Variants in PPP4R1 observed in about 807,000 individuals in gnomAD.
PPP4R1 encodes the protein serine/threonine-protein phosphatase 4 regulatory subunit 1.
In PPP4R1, 42 loss-of-function variants were observed where a neutral mutation model predicts 111.2. That is an observed-to-expected ratio of 0.38 (90% confidence interval 0.29 to 0.49). The LOEUF is 0.49. PPP4R1 is among the 20% of genes least tolerant of loss of function. The pLI, the probability that PPP4R1 is intolerant of heterozygous loss-of-function variation, is 0.97. For synonymous variants in PPP4R1, 409 were observed against 405.5 expected, an observed-to-expected ratio of 1.01 and a Z score of -0.10; for missense variants, 1,012 against 1,161.6, an observed-to-expected ratio of 0.87 and a Z score of 1.87.
At chr18:9,609,054 C>CTG (rs2067533164) in intron 2 of PPP4R1, among the ~76,000 whole-genome samples, 1 of 149,428 alleles carries the variant, frequency 6.7e-6, no homozygotes, top group African/African-American at 2.5e-5. Flanking sequence ...TTCTCTCTGT[C>CTG]TCTCTCTCTC....
intron 16 of PPP4R1, among the ~76,000 whole-genome samples, chr18:9,552,394 G>T (rs1371355345): frequency 6.6e-6 from 1 of 152,118 alleles, no homozygotes; most frequent in Non-Finnish European, 1.5e-5. Flanking sequence ...GCGAGTGATG[G>T]ATATGCTAAC....
Position 9,588,748 on chromosome 18 carries a change from G to C in PPP4R1, c.401C>G (p.Pro134Arg). Residue 134 changes from proline (P) to arginine (R), a missense_variant, in exon 5 of 20, where the codon CCT becomes CGT. Physicochemically the swap from Pro to Arg is moderately radical, Grantham distance 103. Transcript: ENST00000400556. ...ATCTGCAAGGTATCTAACCACAATA[G>C]GTAGTAAGAATTTTGAAAAAGCATA... is the stretch of plus-strand genomic sequence containing the variant. Reference protein sequence around the residue: ...IPYAFSKFLLPIVVRYLADQN... With the variant: ...IPYAFSKFLLRIVVRYLADQN... 1.9e-6 allele frequency: 3 copies of C among 1,613,086 alleles called. No individual in the cohort carries two copies. Among genetic ancestry groups the C allele is most frequent in the Non-Finnish European group, 2.5e-6 (3 of 1,179,136 alleles).
chr18:9,592,045 G>T (rs2067220162), intron 4 of PPP4R1, among the ~76,000 whole-genome samples: 1 of 152,182 alleles, frequency 6.6e-6, no homozygotes, highest in African/African-American at 2.4e-5. Flanking sequence ...GCTCTAGCTT[G>T]GGCAACAGAG....
In PPP4R1 at chr18:9,580,536, G is replaced by A. The variant is rs181852826; in HGVS notation, c.918+2581C>T. Among the ~76,000 whole-genome samples the A allele has an allele frequency of 5.4e-3, 819 of 152,248 alleles. 4 individuals are homozygous for A. Among genetic ancestry groups the A allele is most frequent in the Non-Finnish European group, 8.7e-3 (594 of 68,000 alleles). On this transcript the variant is annotated intron_variant, in intron 9 of 19. Transcript: ENST00000400556. ...GGCTAATTTTTTGTATTTGTTAGTA[G>A]AGACGGGGTTTCACCGTGTTAGCCA...
intron 19 of PPP4R1, among the ~76,000 whole-genome samples, chr18:9,548,331 G>A (rs1290607072): frequency 6.6e-6 from 1 of 150,870 alleles, no homozygotes; most frequent in African/African-American, 2.4e-5. Flanking sequence ...CTTATTCTTT[G>A]ACATCTACTA....
intron 2 of PPP4R1, among the ~76,000 whole-genome samples, chr18:9,606,184 G>C (rs919602276): frequency 6.6e-6 from 1 of 152,198 alleles, no homozygotes; most frequent in Non-Finnish European, 1.5e-5. Context: ...GCACTGATGA[G>C]ATGTATTGCT....
At chr18:9,607,302 A>G (rs931254141) in intron 2 of PPP4R1, among the ~76,000 whole-genome samples, 1 of 151,848 alleles carries the variant, frequency 6.6e-6, no homozygotes, top group African/African-American at 2.4e-5. Flanking sequence ...CAGACGTTGC[A>G]GTGAGCCAAG....
At position 9,566,146 on chromosome 18, in the gene PPP4R1, G is replaced by C. The variant is rs151315509; in HGVS notation, c.1574-2596C>G. ...GGCTGGTCTCAAACTCCTGACCTCAGATGATCCACCCACCTCGGCCTCCCA... is the reference window on the plus strand; with the variant it reads ...GGCTGGTCTCAAACTCCTGACCTCACATGATCCACCCACCTCGGCCTCCCA... On this transcript the variant is annotated intron_variant, in intron 11 of 19. Transcript: ENST00000400556. Among the ~76,000 whole-genome samples the C allele has an allele frequency of 1.8e-3, 271 of 151,860 alleles. 2 individuals are homozygous for C. The Middle Eastern group carries it at 0.031, about 17-fold the overall frequency.
chr18:9,587,953 G>A, intron 6 of PPP4R1, 136 bp downstream of exon 6: 1 of 1,098,110 alleles, frequency 9.1e-7, no homozygotes, highest in Non-Finnish European at 1.3e-6. Context: ...CTGACCTCAA[G>A]TGATCCACCC....
Position 9,614,169 on chromosome 18 carries a change from G to C in PPP4R1, c.52+57C>G. On this transcript the variant is annotated intron_variant, in intron 2 of 19. Coordinates refer to ENST00000400556, the MANE Select transcript of PPP4R1 (RefSeq NM_001042388.3). The surrounding 1 kb of genome is among the most constrained non-coding windows in gnomAD (Gnocchi z 4.1). ...CCCGGCCCAGGCCTCGCCGCCGCCC[G>C]CCCTCCCCGGCCGCTCCCCGCGGAC... 1 of 1,283,518 alleles carries C rather than the reference G, an allele frequency of 7.8e-7. No individual in the cohort carries two copies. The highest frequency in any genetic ancestry group is 1.0e-6 in the Non-Finnish European group (1 of 1,000,570). 79.5% of individuals were successfully genotyped at this position (1,283,518 alleles called of 1,614,324 possible).
rs183793198 is a variant in PPP4R1, at chr18:9,548,873, G to A, written c.2689+324C>T. 1.4e-4 allele frequency among the ~76,000 whole-genome samples: 21 copies of A among 152,314 alleles called. No individual in the cohort carries two copies. The East Asian group carries it at 2.5e-3, about 18-fold the overall frequency. On this transcript the variant is annotated intron_variant, in intron 19 of 19. Transcript: ENST00000400556. The stretch of plus-strand genomic sequence containing the variant: ...GCAGAGGTTACAGTGAGCTGAGATC[G>A]CACCATTGCACTCCAGCCTGGGTGA...
chr18:9,563,258 T>C, intron 12 of PPP4R1, 120 bp downstream of exon 12: 1 of 1,312,850 alleles, frequency 7.6e-7, no homozygotes, highest in South Asian at 1.5e-5. Flanking sequence ...AACGAAGAGC[T>C]AAAAAATCAG....
In PPP4R1 at chr18:9,590,268, A is replaced by G. The variant is rs372513871; in HGVS notation, c.296-1415T>C. 16 of 152,384 alleles carry G rather than the reference A, an allele frequency of 1.0e-4. No homozygotes were observed. The East Asian group carries it at 2.1e-3, about 20-fold the overall frequency. 9.4% of individuals were successfully genotyped at this position (152,384 alleles called of 1,614,324 possible). Reference sequence around the variant, plus strand: ...CATACCTTTAAGTAGATAATACTGTATTTTACAAAGCTCAGAATCTTATCA... The same window carrying G: ...CATACCTTTAAGTAGATAATACTGTGTTTTACAAAGCTCAGAATCTTATCA... On this transcript the variant is annotated intron_variant, in intron 4 of 19. Transcript: ENST00000400556.
chr18:9,607,783 C>CTTTT (rs59033925), intron 2 of PPP4R1, among the ~76,000 whole-genome samples: 48 of 125,292 alleles, frequency 3.8e-4, no homozygotes, highest in Non-Finnish European at 5.1e-4. Context: ...TTCTTTCTTT[C>CTTTT]TTTTTTTTTT....
At chr18:9,582,677 G>A (rs1031175909) in intron 9 of PPP4R1, among the ~76,000 whole-genome samples, 3 of 152,150 alleles carry the variant, frequency 2.0e-5, no homozygotes, top group African/African-American at 7.2e-5. Flanking sequence ...CTCATTTTAT[G>A]AGGCCATTAT....
At chr18:9,605,092 A>C (rs1364295084) in intron 2 of PPP4R1, among the ~76,000 whole-genome samples, 1 of 152,186 alleles carries the variant, frequency 6.6e-6, no homozygotes, top group African/African-American at 2.4e-5. Context: ...CTCATAGTCT[A>C]TCCTTCCCTT....
In PPP4R1 at chr18:9,614,068, CGA is replaced by C. The variant is rs1395198061; in HGVS notation, c.52+156_52+157del. The C allele has an allele frequency of 1.3e-5, 7 of 529,182 alleles. No individual in the cohort carries two copies. The East Asian group carries it at 2.9e-4, about 22-fold the overall frequency. The allele number at this position is 529,182 out of a possible 1,614,324, so 32.8% of individuals were successfully genotyped here. On this transcript the variant is annotated intron_variant, in intron 2 of 19. Coordinates refer to ENST00000400556, the MANE Select transcript of PPP4R1 (RefSeq NM_001042388.3). This position sits in a 1 kb window ranked among gnomAD's most constrained non-coding sequence, Gnocchi z 4.1. Reference sequence around the variant, plus strand: ...TGGGCGCGCCGTTTCCTCACGGACGCGAGATTTTCCCCCCCGATCGCCACCCC... The same window carrying C: ...TGGGCGCGCCGTTTCCTCACGGACGCGATTTTCCCCCCCGATCGCCACCCC...
chr18:9,571,946 G>T (rs896728241), intron 10 of PPP4R1, among the ~76,000 whole-genome samples: 6 of 152,264 alleles, frequency 3.9e-5, no homozygotes, highest in African/African-American at 1.4e-4. Context: ...GAGTTGAGAG[G>T]TAAGATAGGA....
Position 9,570,659 on chromosome 18 carries a change from C to T in PPP4R1, c.1071G>A (p.Glu357=), listed in dbSNP as rs770102454. The change falls in exon 11 of 20, where the codon GAG becomes GAA. Residue 357 remains glutamate, a synonymous_variant. Transcript: ENST00000400556. ...TATCCTCTGGCCTGACTTGTACATC[C>T]TCTGGGGCTTCTTGATCTCTGGTCC... The part of the protein sequence containing the change: ...KNRTRDQEAP[E]DVQVRPEDTP... The T allele has an allele frequency of 6.4e-7, 1 of 1,564,896 alleles. No individual in the cohort carries two copies. The highest frequency in any genetic ancestry group is 1.2e-5 in the South Asian group (1 of 85,036).
Sources: gnomAD v4.1 joint callset for allele counts (sites outside exome capture counted in the v4.1 genomes callset) on GRCh38, gnomAD v4.1.1 for gene constraint, Gnocchi (gnomAD v3.1) non-coding constraint, MANE v1.5 for transcripts, NCBI Gene and HGNC (gene_info 2026-07-23, HGNC 2026-07-21) for gene names.